The following E2F6 variants were observed in gnomAD, a reference collection of about 807,000 sequenced individuals.
E2F6 encodes the protein transcription factor E2F6.
Under a neutral mutation model 31.5 loss-of-function variants are expected in E2F6, and 19 were observed. The observed-to-expected ratio is 0.60, with a 90% CI of 0.42 to 0.89. E2F6 has a LOEUF of 0.89. Ranked by LOEUF, E2F6 falls within the 40% of genes least tolerant of loss-of-function variation. E2F6 has a pLI of 0.00. For synonymous variants in E2F6, 121 were observed against 127.7 expected (o/e 0.95, Z 0.36); for missense variants, 269 against 341.6 (o/e 0.79, Z 1.67).
intron 1 of E2F6, among the ~76,000 whole-genome samples, chr2:11,461,264 C>A (rs1473602967): frequency 2.6e-5 from 4 of 152,224 alleles, no homozygotes; most frequent in Non-Finnish European, 4.4e-5. Flanking sequence ...CCCATCCAAA[C>A]TTGCAGGACC....
rs1244912753 is a variant in E2F6, at chr2:11,446,369, C to T, written c.*108G>A. ...CTGGCCATGATGCCGCTACTGAGAACGAGAGCACTTCATGGATAATTTATT... is the reference window on the plus strand; with the variant it reads ...CTGGCCATGATGCCGCTACTGAGAATGAGAGCACTTCATGGATAATTTATT... On this transcript the variant is annotated 3_prime_UTR_variant, in exon 7 of 7. Coordinates refer to ENST00000381525, the MANE Select transcript of E2F6 (RefSeq NM_198256.4). 12 of 797,032 alleles carry T rather than the reference C, an allele frequency of 1.5e-5. No individual in the cohort carries two copies. Among genetic ancestry groups the T allele is most frequent in the Middle Eastern group, 3.5e-4 (1 of 2,870 alleles). The allele number at this position is 797,032 out of a possible 1,614,324, so 49.4% of individuals were successfully genotyped here.
intron 1 of E2F6, among the ~76,000 whole-genome samples, chr2:11,464,517 C>CAAAAAAA (rs559562627): frequency 2.2e-5 from 1 of 44,698 alleles, no homozygotes; most frequent in African/African-American, 1.0e-4. Flanking sequence ...ACTTCGTCAC[C>CAAAAAAA]AAAAAAAAAA....
chr2:11,458,897 G>C (rs1671586640), intron 1 of E2F6, among the ~76,000 whole-genome samples: 1 of 152,190 alleles, frequency 6.6e-6, no homozygotes, highest in African/African-American at 2.4e-5. Context: ...CTTGGGGGTA[G>C]GGACTAGGTC....
rs546394286 is a variant in E2F6 at position 11,445,052 on chromosome 2, A to G, written c.*1425T>C. On this transcript the variant is annotated 3_prime_UTR_variant, in exon 7 of 7. Coordinates refer to ENST00000381525, the MANE Select transcript of E2F6 (RefSeq NM_198256.4). ...ACTGCTGCAGGAAGGGCTGGTGCTC[A>G]GCAGAGGGACAGGACTGGCAAAAGC... 6.6e-6 allele frequency: 1 copy of G among 152,394 alleles called. No homozygotes were observed. Among genetic ancestry groups the G allele is most frequent in the South Asian group, 2.1e-4 (1 of 4,830 alleles). 9.4% of individuals were successfully genotyped at this position (152,394 alleles called of 1,614,324 possible).
chr2:11,458,001 T>A (rs1429638952), intron 1 of E2F6, among the ~76,000 whole-genome samples: 1 of 152,238 alleles, frequency 6.6e-6, no homozygotes, highest in African/African-American at 2.4e-5. Context: ...TACCAGCTAT[T>A]TAGAGGCTCT....
rs758410252 is a variant in E2F6, at chr2:11,465,843, G to A, written c.37C>T (p.Leu13Phe). 6.3e-7 allele frequency: 1 copy of A among 1,588,338 alleles called. No individual in the cohort carries two copies. The highest frequency in any genetic ancestry group is 8.6e-7 in the Non-Finnish European group (1 of 1,168,472). Residue 13 changes from leucine to phenylalanine, a missense_variant, in exon 1 of 7, where the codon CTC (leucine) becomes TTC (phenylalanine). Coordinates refer to ENST00000381525, the MANE Select transcript of E2F6 (RefSeq NM_198256.4). ...QQRPARKLPSLLLDPTEETVR... is the reference protein window; with the variant it reads ...QQRPARKLPSFLLDPTEETVR... The stretch of plus-strand genomic sequence containing the variant: ...GTCTCCTCCGTCGGGTCCAGGAGGA[G>A]ACTGGGTAACTTCCTCGCCGGCCGC...
chr2:11,457,805 C>T (rs932545990), intron 1 of E2F6, among the ~76,000 whole-genome samples: 1 of 152,192 alleles, frequency 6.6e-6, no homozygotes, highest in African/African-American at 2.4e-5. Flanking sequence ...AAAATTTGCT[C>T]ACAAGCTTTC....
At chr2:11,447,007 G>A (rs1211957183) in intron 6 of E2F6, among the ~76,000 whole-genome samples, 1 of 152,222 alleles carries the variant, frequency 6.6e-6, no homozygotes, top group African/African-American at 2.4e-5. Context: ...TTCGGATGTC[G>A]GTGGAGCTGT....
At chr2:11,448,233 T>A (rs1225054583) in intron 5 of E2F6, among the ~76,000 whole-genome samples, 1 of 152,240 alleles carries the variant, frequency 6.6e-6, no homozygotes, top group Admixed American at 6.5e-5. Flanking sequence ...ACATTATTTA[T>A]AAAGGACTAA....
intron 1 of E2F6, among the ~76,000 whole-genome samples, chr2:11,463,258 TC>T (rs147832985): frequency 1.4e-3 from 218 of 152,338 alleles, no homozygotes; most frequent in Middle Eastern, 3.4e-3. Flanking sequence ...AACCAGCTCC[TC>T]CTCTTACTCT....
chr2:11,456,957 G>C (rs1056422979), intron 2 of E2F6: 3 of 475,124 alleles, frequency 6.3e-6, no homozygotes, highest in African/African-American at 6.1e-5. Flanking sequence ...TGAGAAAATA[G>C]CCTTAAATAC....
chr2:11,455,841 C>G (rs578207432), intron 2 of E2F6, among the ~76,000 whole-genome samples: 1 of 152,262 alleles, frequency 6.6e-6, no homozygotes, highest in Admixed American at 6.5e-5. Context: ...GGCAAGAAAT[C>G]AAACCTTCAC....
At chr2:11,451,890 A>C in intron 3 of E2F6, 84 bp from the exon 4 acceptor site, 3 of 1,328,564 alleles carry the variant, frequency 2.3e-6, no homozygotes, top group Non-Finnish European at 3.1e-6. Flanking sequence ...AACTTCTCCA[A>C]ATGTTTGCCA....
chr2:11,447,849 A>G lies in E2F6; in HGVS notation c.652-75T>C. ...TTTTTTCACTCACTAGAACTGCAAA[A>G]ATTTCGAGACATTTGAGAAAATCAC... On this transcript the variant is annotated intron_variant, in intron 5 of 6. Transcript: ENST00000381525. 2 of 1,512,664 alleles carry G rather than the reference A, an allele frequency of 1.3e-6. 1 individual carries two copies. Among genetic ancestry groups the G allele is most frequent in the South Asian group, 2.6e-5 (2 of 78,116 alleles). The allele number at this position is 1,512,664 out of a possible 1,614,324, so 93.7% of individuals were successfully genotyped here.
intron 5 of E2F6, among the ~76,000 whole-genome samples, 181 bp downstream of exon 5, chr2:11,449,828 GATA>G (rs1201139237): frequency 6.6e-6 from 1 of 152,208 alleles, no homozygotes; most frequent in African/African-American, 2.4e-5. Context: ...TCATCTTTAA[GATA>G]ATAATGACTA....
intron 2 of E2F6, among the ~76,000 whole-genome samples, chr2:11,456,482 G>A (rs1431566946): frequency 1.3e-5 from 2 of 152,140 alleles, no homozygotes; most frequent in Non-Finnish European, 2.9e-5. Context: ...CCCTGACTCT[G>A]AGCAACTCAC....
At position 11,446,323 on chromosome 2, in the gene E2F6, G is replaced by A; in HGVS notation, c.*154C>T. On this transcript the variant is annotated 3_prime_UTR_variant, in exon 7 of 7. Transcript: ENST00000381525. ...CCACAATTACTCAGTAATCTAAGTG[G>A]TGAACTCCTCAAAGACACTACTGGC... The A allele has an allele frequency of 1.8e-6, 1 of 555,934 alleles. No homozygotes were observed. Among genetic ancestry groups the A allele is most frequent in the Non-Finnish European group, 3.3e-6 (1 of 306,848 alleles). The allele number at this position is 555,934 out of a possible 1,614,324, so 34.4% of individuals were successfully genotyped here.
intron 1 of E2F6, among the ~76,000 whole-genome samples, chr2:11,462,909 TGA>T (rs2148364331): frequency 6.6e-6 from 1 of 152,264 alleles, no homozygotes; most frequent in African/African-American, 2.4e-5. Flanking sequence ...AAACCTCAGA[TGA>T]GAGGGGACTA....
intron 1 of E2F6, chr2:11,458,227 T>G: frequency 6.5e-7 from 1 of 1,542,612 alleles, no homozygotes. Flanking sequence ...TCATAGGTAC[T>G]CTAAGAAGAG....
Sources: gnomAD v4.1 joint callset for allele counts (sites outside exome capture counted in the v4.1 genomes callset) on GRCh38, gnomAD v4.1.1 for gene constraint, MANE v1.5 for transcripts, NCBI Gene and HGNC (gene_info 2026-07-23, HGNC 2026-07-21) for gene names.